PKP4: variants seen among roughly 807,000 people sequenced by gnomAD.
PKP4 encodes plakophilin 4.
A neutral mutation model predicts 145.1 loss-of-function variants in PKP4; 90 were observed. That is an observed-to-expected ratio of 0.62 (90% CI 0.52 to 0.74). The LOEUF (loss-of-function observed/expected upper bound fraction) is 0.74, where lower values mean the gene tolerates loss of function less well. PKP4 is among the 30% of genes least tolerant of loss of function. The probability of loss-of-function intolerance (pLI) is 0.00; values close to 1 mark genes in which losing one functional copy is unlikely to be tolerated. For synonymous variants in PKP4, 563 were observed against 577.2 expected, an observed-to-expected ratio of 0.98 and a Z score of 0.35; for missense variants, 1,340 against 1,482.7, an observed-to-expected ratio of 0.90 and a Z score of 1.58.
At chr2:158,605,767 A>G (rs2050605369) in intron 4 of PKP4, among the ~76,000 whole-genome samples, 2 of 152,202 alleles carry the variant, frequency 1.3e-5, no homozygotes, top group Admixed American at 6.5e-5. Flanking sequence ...AAAAGAAACC[A>G]TGTGCCAGTT....
intron 11 of PKP4, among the ~76,000 whole-genome samples, chr2:158,657,133 G>T (rs1387428174): frequency 6.6e-6 from 1 of 151,364 alleles, no homozygotes; most frequent in South Asian, 2.1e-4. Context: ...TAGGACTCTG[G>T]GGGGGACTTG....
Position 158,674,017 on chromosome 2 carries a change from C to T in PKP4, c.3127+17C>T. The T allele has an allele frequency of 7.6e-7, 1 of 1,309,478 alleles. No individual in the cohort carries two copies. Among genetic ancestry groups the T allele is most frequent in the Non-Finnish European group, 1.1e-6 (1 of 901,400 alleles). The allele number at this position is 1,309,478 out of a possible 1,614,324, so 81.1% of individuals were successfully genotyped here. A position where few individuals can be genotyped will look rare whatever the true frequency, so the allele number is the denominator to read the frequency against. ...TTCAGTCAGGTCAGTGGGAAAATGC[C>T]ACTCCTTGGCGAGAACCTTTGTGTG... On this transcript the variant is annotated intron_variant, in intron 19 of 21. Coordinates refer to ENST00000389759, the MANE Select transcript of PKP4 (RefSeq NM_003628.6).
chr2:158,458,620 A>G (rs971990293), intron 1 of PKP4, among the ~76,000 whole-genome samples: 4 of 152,224 alleles, frequency 2.6e-5, no homozygotes, highest in Non-Finnish European at 5.9e-5. Context: ...AGCTCTATCA[A>G]AAAATGCCTG....
At chr2:158,507,146 A>G (rs2041057290) in intron 1 of PKP4, among the ~76,000 whole-genome samples, 2 of 152,292 alleles carry the variant, frequency 1.3e-5, no homozygotes, top group South Asian at 2.1e-4. Flanking sequence ...TTTATGTTCT[A>G]TACCTCTCTC....
Position 158,680,623 on chromosome 2 carries a change from A to G in PKP4, c.3525A>G (p.Lys1175=). ...TTNYVDFYST[K]RPSYRAEQYP... Reference sequence around the variant, plus strand: ...ATTATGTAGACTTTTATTCCACTAAACGACCTTCTTATAGAGCAGAACAGT... The same window carrying G: ...ATTATGTAGACTTTTATTCCACTAAGCGACCTTCTTATAGAGCAGAACAGT... Residue 1175 remains lysine, a synonymous_variant, in exon 22 of 22, where the codon AAA becomes AAG. Transcript: ENST00000389759. The G allele has an allele frequency of 6.2e-7, 1 of 1,613,998 alleles. No individual in the cohort carries two copies. Among genetic ancestry groups the G allele is most frequent in the Non-Finnish European group, 8.5e-7 (1 of 1,179,894 alleles).
Position 158,621,405 on chromosome 2 carries a change from G to C in PKP4, c.587G>C (p.Gly196Ala). The change falls in exon 6 of 22, where the codon GGA becomes GCA. Residue 196 changes from glycine (G) to alanine (A), a missense_variant. By Grantham distance (60) the Gly-to-Ala change is moderately conservative. Coordinates refer to ENST00000389759, the MANE Select transcript of PKP4 (RefSeq NM_003628.6). ...NHVVRNSRAE[G>A]QTLVQPSVAN... ...GTGGTGAGGAATTCAAGAGCTGAAG[G>C]ACAAACACTGGTTCAGGTAAGCCAA... is the stretch of plus-strand genomic sequence containing the variant. The C allele has an allele frequency of 6.2e-7, 1 of 1,613,928 alleles. No individual in the cohort carries two copies. Among genetic ancestry groups the C allele is most frequent in the Non-Finnish European group, 8.5e-7 (1 of 1,179,850 alleles).
intron 10 of PKP4, among the ~76,000 whole-genome samples, chr2:158,641,061 G>T (rs974675036): frequency 4.6e-5 from 7 of 152,146 alleles, no homozygotes; most frequent in Non-Finnish European, 8.8e-5. Flanking sequence ...TTTAGGCCAG[G>T]CACAGTGGCT....
chr2:158,595,208 A>G (rs1006611919), intron 3 of PKP4, among the ~76,000 whole-genome samples: 1 of 152,210 alleles, frequency 6.6e-6, no homozygotes, highest in Non-Finnish European at 1.5e-5. Flanking sequence ...GTAACCTAAC[A>G]GTTACCTATT....
At chr2:158,477,633 A>T (rs1692689641) in intron 1 of PKP4, among the ~76,000 whole-genome samples, 1 of 152,186 alleles carries the variant, frequency 6.6e-6, no homozygotes, top group East Asian at 1.9e-4. Context: ...TGTCATATTG[A>T]TCAACTGGGA....
rs553335914 is a variant in PKP4 at position 158,530,282 on chromosome 2, T to C, written c.-5-2898T>C. On this transcript the variant is annotated intron_variant, in intron 1 of 21. Transcript: ENST00000389759. ...TCTGTAGTTTGTAATGTGAAGAGTC[T>C]ACCTTCCCTTTTTCCAAAAACAGCC... Among the ~76,000 whole-genome samples the C allele has an allele frequency of 2.4e-4, 36 of 152,294 alleles. 1 individual carries two copies. In the South Asian group the frequency reaches 7.1e-3, roughly 30 times the overall value.
chr2:158,533,692 A>C (rs754893263), intron 2 of PKP4, among the ~76,000 whole-genome samples: 1 of 152,200 alleles, frequency 6.6e-6, no homozygotes, highest in Non-Finnish European at 1.5e-5. Context: ...TATTTTGAAC[A>C]TTTTAACATA....
intron 1 of PKP4, among the ~76,000 whole-genome samples, chr2:158,464,322 A>G (rs994445542): frequency 2.0e-5 from 3 of 152,228 alleles, no homozygotes; most frequent in Non-Finnish European, 2.9e-5. Flanking sequence ...TAATTTTTAC[A>G]TATAGACAAT....
At chr2:158,514,969 C>T (rs1297741059) in intron 1 of PKP4, among the ~76,000 whole-genome samples, 1 of 152,190 alleles carries the variant, frequency 6.6e-6, no homozygotes, top group African/African-American at 2.4e-5. Flanking sequence ...TTACTCAATG[C>T]ATCATTGCTT....
intron 3 of PKP4, among the ~76,000 whole-genome samples, chr2:158,600,908 T>C (rs1398702142): frequency 3.3e-5 from 5 of 152,234 alleles, no homozygotes; most frequent in African/African-American, 1.2e-4. Flanking sequence ...ACCTATTATA[T>C]TTTGGTAACC....
intron 3 of PKP4, among the ~76,000 whole-genome samples, chr2:158,583,465 T>A (rs1288545182): frequency 6.6e-6 from 1 of 152,200 alleles, no homozygotes; most frequent in African/African-American, 2.4e-5. Flanking sequence ...CAGGAAAGTA[T>A]AAAGAGAAAA....
In PKP4 at chr2:158,681,332, A is replaced by G. The variant is rs1296785771; in HGVS notation, c.*655A>G. The G allele has an allele frequency of 1.3e-5, 2 of 152,694 alleles. No homozygotes were observed. The highest frequency in any genetic ancestry group is 4.8e-5 in the African/African-American group (2 of 41,458). 9.5% of individuals were successfully genotyped at this position (152,694 alleles called of 1,614,324 possible). On this transcript the variant is annotated 3_prime_UTR_variant, in exon 22 of 22. Transcript: ENST00000389759. ...AGCACAACGTCCAGGCTGGTACCGC[A>G]GCGCCATGCCCATTCCTCGCCTCAT...
chr2:158,490,621 C>G (rs945869666), intron 1 of PKP4, among the ~76,000 whole-genome samples: 64 of 152,218 alleles, frequency 4.2e-4, no homozygotes, highest in African/African-American at 1.4e-3. Flanking sequence ...GGAAGAAGTA[C>G]AAATAGGATT....
At chr2:158,630,102 C>A (rs2053216630) in intron 7 of PKP4, among the ~76,000 whole-genome samples, 1 of 152,148 alleles carries the variant, frequency 6.6e-6, no homozygotes, top group Admixed American at 6.5e-5. Flanking sequence ...TATATGCTGA[C>A]TGGCTTCAGA....
chr2:158,529,084 AT>A (rs1185691060), intron 1 of PKP4, among the ~76,000 whole-genome samples: 1 of 152,202 alleles, frequency 6.6e-6, no homozygotes, highest in East Asian at 1.9e-4. Flanking sequence ...CTGATTAAAG[AT>A]CTCTCATCAT....
Sources: allele counts gnomAD v4.1 joint callset (sites outside exome capture counted in the v4.1 genomes callset), GRCh38; gene constraint gnomAD v4.1.1; transcripts MANE v1.5; gene names NCBI Gene and HGNC (gene_info 2026-07-23, HGNC 2026-07-21).